The following PYY variants were observed in gnomAD, a reference collection of about 807,000 sequenced individuals.
The protein encoded by PYY is peptide tyrosine tyrosine.
In PYY, 12 loss-of-function variants were observed where a neutral mutation model predicts 10.3. That is an observed-to-expected ratio of 1.17 (90% CI 0.75 to 1.89). PYY has a LOEUF of 1.89. Ranked by LOEUF, PYY falls within the 40% of genes most tolerant of loss-of-function variation. PYY has a pLI of 0.00. For synonymous variants in PYY, 66 were observed against 62.0 expected (o/e 1.06, Z -0.30); for missense variants, 141 against 134.0 (o/e 1.05, Z -0.26).
At chr17:43,976,455 A>G (rs376041112) in intron 1 of PYY, among the ~76,000 whole-genome samples, 61 of 143,662 alleles carry the variant, frequency 4.2e-4, no homozygotes, top group South Asian at 1.8e-3. Flanking sequence ...ATACATATAC[A>G]TATATATACA....
intron 1 of PYY, among the ~76,000 whole-genome samples, chr17:44,000,723 A>ATT (rs34630347): frequency 0.013 from 1,906 of 143,524 alleles, 19 homozygotes; most frequent in Non-Finnish European, 0.02. Flanking sequence ...TAATTTTTGT[A>ATT]TTTTTTTTTT....
At chr17:43,954,343 G>A (rs932131258), upstream of PYY, among the ~76,000 whole-genome samples, 1 of 152,132 alleles carries the variant, frequency 6.6e-6, no homozygotes, top group African/African-American at 2.4e-5. Context: ...CCTCCAGTCC[G>A]TGGGATGTGT....
At chr17:43,965,946 CTCTTT>C (rs1015726908) in intron 2 of PYY, among the ~76,000 whole-genome samples, 3 of 151,676 alleles carry the variant, frequency 2.0e-5, no homozygotes, top group African/African-American at 4.8e-5. Context: ...ATGCTTGGCT[CTCTTT>C]TCTTTTTTCT....
At chr17:43,973,536 G>A (rs2048809329) in intron 1 of PYY, among the ~76,000 whole-genome samples, 1 of 152,214 alleles carries the variant, frequency 6.6e-6, no homozygotes, top group Admixed American at 6.5e-5. Flanking sequence ...GCTCACGTCT[G>A]TAATCCCAGC....
chr17:43,989,809 TAAAAAAAAAAAAAAAAAAAAAAA>T (rs1174890162), intron 1 of PYY, among the ~76,000 whole-genome samples: 3 of 10,502 alleles, frequency 2.9e-4, no homozygotes, highest in African/African-American at 7.8e-4. Flanking sequence ...GCTGTCTCTT[TAAAAAAAAAAAAAAAAAAAAAAA>T]AAAAAAAAAA....
chr17:43,955,615 G>A (rs1015238061), upstream of PYY, among the ~76,000 whole-genome samples: 1 of 152,010 alleles, frequency 6.6e-6, no homozygotes, highest in Admixed American at 6.6e-5. Context: ...TCTTCTTAGG[G>A]AGCCCTCATC....
rs900372565 is a variant in PYY, at chr17:43,987,949, C to T, written c.-463+16442G>A. ...CATCTGTCCTGTCCAGTCCCCACGC[C>T]GGAAGTCCTCACAGCAGTCTGCTCT... On this transcript the variant is annotated intron_variant, in intron 1 of 6. Transcript: ENST00000360085. The surrounding 1 kb of genome is among the most constrained non-coding windows in gnomAD (Gnocchi z 4.0). Among the ~76,000 whole-genome samples, 8 of 152,148 alleles carry T rather than the reference C, an allele frequency of 5.3e-5. No individual in the cohort carries two copies. Among genetic ancestry groups the T allele is most frequent in the African/African-American group, 1.9e-4 (8 of 41,426 alleles).
chr17:43,995,204 T>A (rs1014759230), intron 1 of PYY, among the ~76,000 whole-genome samples: 1 of 152,184 alleles, frequency 6.6e-6, no homozygotes, highest in African/African-American at 2.4e-5. Context: ...AGGCTCGATA[T>A]TCACCCTTAG....
chr17:43,996,835 A>G (rs370651052), intron 1 of PYY, among the ~76,000 whole-genome samples: 4 of 151,814 alleles, frequency 2.6e-5, no homozygotes, highest in African/African-American at 9.7e-5. Flanking sequence ...CTACAGGCGC[A>G]CACCACCACG....
At chr17:43,995,764 G>A (rs2048987840) in intron 1 of PYY, among the ~76,000 whole-genome samples, 1 of 150,436 alleles carries the variant, frequency 6.6e-6, no homozygotes, top group South Asian at 2.1e-4. Flanking sequence ...AACCCAGGAG[G>A]CAGAGGTTGC....
At chr17:43,963,583 AAAGAAAGAAAGAAAG>A (rs2048729820) in intron 2 of PYY, among the ~76,000 whole-genome samples, 1 of 75,996 alleles carries the variant, frequency 1.3e-5, no homozygotes, top group African/African-American at 4.5e-5. Context: ...AGAAAGAAAG[AAAGAAAGAAAGAAAG>A]AAAGAAAGAA....
chr17:43,993,090 G>GT (rs2048968681), intron 1 of PYY, among the ~76,000 whole-genome samples: 1 of 152,208 alleles, frequency 6.6e-6, no homozygotes. Flanking sequence ...AAGGAGGGTG[G>GT]AATGCTTGAG....
intron 1 of PYY, among the ~76,000 whole-genome samples, chr17:43,972,538 C>CT (rs1242136631): frequency 8.6e-4 from 47 of 54,482 alleles, no homozygotes; most frequent in Admixed American, 3.0e-3. Context: ...CTTTAAAAAA[C>CT]ATTTTTTTTT....
At chr17:43,998,355 C>T (rs761943140) in intron 1 of PYY, among the ~76,000 whole-genome samples, 3 of 151,612 alleles carry the variant, frequency 2.0e-5, no homozygotes, top group East Asian at 1.9e-4. Context: ...CTCAAGAGTT[C>T]GAGACCAGCC....
intron 1 of PYY, among the ~76,000 whole-genome samples, chr17:43,999,319 G>C (rs919671622): frequency 6.6e-6 from 1 of 152,118 alleles, no homozygotes; most frequent in African/African-American, 2.4e-5. Context: ...GAGAACGAGA[G>C]GGAGGACCTG....
chr17:43,971,434 G>T (rs765857409), intron 1 of PYY, among the ~76,000 whole-genome samples: 1 of 152,022 alleles, frequency 6.6e-6, no homozygotes, highest in African/African-American at 2.4e-5. Flanking sequence ...GCCGGGCATG[G>T]TGACACAAGT....
exon 1 of PYY, chr17:44,004,399 C>T (rs2049055194): frequency 5.6e-6 from 2 of 355,594 alleles, no homozygotes; most frequent in Non-Finnish European, 5.0e-6. Flanking sequence ...ACCTTGGCAG[C>T]AGATTAAAGA....
intron 1 of PYY, among the ~76,000 whole-genome samples, chr17:44,000,713 T>C (rs544613848): frequency 6.6e-6 from 1 of 151,410 alleles, no homozygotes; most frequent in East Asian, 1.9e-4. Flanking sequence ...CACACCTGGC[T>C]AATTTTTGTA....
intron 1 of PYY, among the ~76,000 whole-genome samples, chr17:43,998,903 C>A (rs919556576): frequency 1.3e-5 from 2 of 151,954 alleles, no homozygotes; most frequent in Non-Finnish European, 2.9e-5. Context: ...TCCAAGGGGT[C>A]GAGTAGGTAG....
Sources: allele counts gnomAD v4.1 joint callset (sites outside exome capture counted in the v4.1 genomes callset), GRCh38; gene constraint gnomAD v4.1.1; non-coding constraint Gnocchi (gnomAD v3.1); transcripts MANE v1.5; gene names NCBI Gene and HGNC (gene_info 2026-07-23, HGNC 2026-07-21).